Variants in PDE11A observed in about 807,000 individuals in gnomAD.
PDE11A encodes phosphodiesterase 11A, also known as dual 3',5'-cyclic-AMP and -GMP phosphodiesterase 11A.
In PDE11A, 100 loss-of-function variants were observed where a neutral mutation model predicts 100.5. The observed-to-expected ratio is 1.00, with a 90% CI of 0.85 to 1.18. The LOEUF is 1.18. Among genes scored for constraint, PDE11A ranks in the 50% most tolerant of loss-of-function variants. The probability of loss-of-function intolerance (pLI) is 0.00; values close to 1 mark genes in which losing one functional copy is unlikely to be tolerated. For synonymous variants in PDE11A, 381 were observed against 420.8 expected (o/e 0.91, Z 1.16); for missense variants, 1,141 against 1,152.6 (o/e 0.99, Z 0.15).
At chr2:177,662,908 T>C (rs1442268807) in intron 19 of PDE11A, among the ~76,000 whole-genome samples, 1 of 152,210 alleles carries the variant, frequency 6.6e-6, no homozygotes, top group Non-Finnish European at 1.5e-5. Flanking sequence ...AAGTGGTAGA[T>C]GATCTTGAAC....
At chr2:178,081,339 A>T (rs942359442) in intron 2 of PDE11A, among the ~76,000 whole-genome samples, 1 of 152,212 alleles carries the variant, frequency 6.6e-6, no homozygotes, top group Non-Finnish European at 1.5e-5. Context: ...AAGCTATTTT[A>T]TCACCAAGAA....
At chr2:177,701,067 CAA>C (rs1335499954) in intron 14 of PDE11A, 52 bp downstream of exon 14, 19 of 970,580 alleles carry the variant, frequency 2.0e-5, no homozygotes, top group Non-Finnish European at 2.9e-5. Context: ...AGGGAGGAAA[CAA>C]AGAGTTGTTT....
At chr2:177,913,265 T>A (rs1048296560) in intron 2 of PDE11A, among the ~76,000 whole-genome samples, 2 of 152,162 alleles carry the variant, frequency 1.3e-5, no homozygotes, top group African/African-American at 2.4e-5. Flanking sequence ...AGAAATTAAA[T>A]CTCTCCGAAT....
intron 7 of PDE11A, 103 bp downstream of exon 7, chr2:177,820,117 C>A: frequency 1.4e-6 from 1 of 715,620 alleles, no homozygotes; most frequent in South Asian, 1.6e-5. Flanking sequence ...TTGATGAGTC[C>A]TGGCCATAAA....
chr2:178,036,283 A>C (rs938967794), intron 1 of PDE11A, among the ~76,000 whole-genome samples: 2 of 152,208 alleles, frequency 1.3e-5, no homozygotes, highest in African/African-American at 4.8e-5. Flanking sequence ...GATTGCTATA[A>C]AGAGAATAAA....
At chr2:178,015,936 C>T (rs775326733) in intron 1 of PDE11A, among the ~76,000 whole-genome samples, 18 of 152,164 alleles carry the variant, frequency 1.2e-4, no homozygotes, top group Non-Finnish European at 2.4e-4. Flanking sequence ...CTGCACACCC[C>T]TGTTAAAGGA....
chr2:177,821,644 TA>T (rs1022684174), intron 6 of PDE11A, among the ~76,000 whole-genome samples: 9 of 151,544 alleles, frequency 5.9e-5, no homozygotes, highest in East Asian at 1.9e-4. Flanking sequence ...GTCAGGCTTT[TA>T]AAAAAAAATT....
chr2:177,669,933 G>A (rs1416170840), intron 17 of PDE11A, among the ~76,000 whole-genome samples: 2 of 152,180 alleles, frequency 1.3e-5, no homozygotes, highest in East Asian at 3.8e-4. Flanking sequence ...ATTATATTAT[G>A]TAATGATAGT....
chr2:177,652,853 A>G (rs2080330521), intron 19 of PDE11A, among the ~76,000 whole-genome samples: 1 of 152,158 alleles, frequency 6.6e-6, no homozygotes, highest in South Asian at 2.1e-4. Context: ...CCTTTACTGT[A>G]TGCTCTGAAT....
chr2:177,990,365 A>G (rs2085987522), intron 2 of PDE11A, among the ~76,000 whole-genome samples: 1 of 152,222 alleles, frequency 6.6e-6, no homozygotes. Flanking sequence ...TGGTTGATCA[A>G]TAACAGAGCT....
intron 19 of PDE11A, among the ~76,000 whole-genome samples, chr2:177,652,455 G>A (rs181218091): frequency 2.2e-3 from 329 of 152,262 alleles, no homozygotes; most frequent in Non-Finnish European, 3.9e-3. Context: ...TACAAAGGAA[G>A]GAGAGAGAGG....
At chr2:177,979,410 G>C (rs2085851536) in intron 2 of PDE11A, among the ~76,000 whole-genome samples, 1 of 150,446 alleles carries the variant, frequency 6.6e-6, no homozygotes, top group Non-Finnish European at 1.5e-5. Context: ...GCCAACTCAA[G>C]GTTCAGGATG....
intron 9 of PDE11A, among the ~76,000 whole-genome samples, chr2:177,790,530 T>C (rs932121810): frequency 1.5e-4 from 23 of 152,002 alleles, no homozygotes; most frequent in Non-Finnish European, 2.5e-4. Context: ...AAAGCCAAAA[T>C]TGACAAATGG....
intron 15 of PDE11A, among the ~76,000 whole-genome samples, chr2:177,693,814 C>T (rs1360574229): frequency 1.3e-5 from 2 of 152,300 alleles, no homozygotes; most frequent in Admixed American, 1.3e-4. Flanking sequence ...CCATTTGGAC[C>T]TCTGTGCCTG....
chr2:178,029,791 T>C (rs1466047919), intron 1 of PDE11A, among the ~76,000 whole-genome samples: 2 of 152,166 alleles, frequency 1.3e-5, no homozygotes, highest in African/African-American at 2.4e-5. Flanking sequence ...GTGATGATAT[T>C]AGGAAGTGGG....
chr2:177,963,419 G>A (rs1420075709), intron 2 of PDE11A, among the ~76,000 whole-genome samples: 3 of 152,122 alleles, frequency 2.0e-5, no homozygotes, highest in Non-Finnish European at 4.4e-5. Context: ...ATCAGAGCAG[G>A]AGCAGATCTT....
At chr2:177,665,580 G>A (rs970293347) in intron 18 of PDE11A, among the ~76,000 whole-genome samples, 1 of 151,626 alleles carries the variant, frequency 6.6e-6, no homozygotes, top group African/African-American at 2.4e-5. Context: ...TCTGGGCTGG[G>A]TGTGGTGGCT....
chr2:178,061,931 C>T lies in PDE11A; in HGVS notation c.912+9595G>A, dbSNP rs547210312. ...AGTAGCTCTTCTTCCCCCAGTTGAC[C>T]TTTTTGTTCTTTAACATAGCAAATA... On this transcript the variant is annotated intron_variant, in intron 1 of 19. Coordinates refer to ENST00000286063, the MANE Select transcript of PDE11A (RefSeq NM_016953.4). Among the ~76,000 whole-genome samples the T allele has an allele frequency of 3.3e-5, 5 of 152,224 alleles. No individual in the cohort carries two copies. The South Asian group carries it at 8.3e-4, about 25-fold the overall frequency.
intron 19 of PDE11A, among the ~76,000 whole-genome samples, chr2:177,652,047 T>A (rs748234009): frequency 4.6e-5 from 7 of 152,210 alleles, no homozygotes; most frequent in Non-Finnish European, 1.0e-4. Flanking sequence ...TAACCCGATC[T>A]TTCCCGTTCC....
Sources: allele counts gnomAD v4.1 joint callset (sites outside exome capture counted in the v4.1 genomes callset), GRCh38; gene constraint gnomAD v4.1.1; transcripts MANE v1.5; gene names NCBI Gene and HGNC (gene_info 2026-07-23, HGNC 2026-07-21).